Variants in PSMC1 observed in about 807,000 individuals in gnomAD.
The protein encoded by PSMC1 is proteasome 26S subunit, ATPase 1.
A neutral mutation model predicts 49.8 loss-of-function variants in PSMC1; 5 were observed. That is an observed-to-expected ratio of 0.10 (90% CI 0.05 to 0.21). PSMC1 has a LOEUF of 0.21. PSMC1 is among the 10% of genes least tolerant of loss of function. PSMC1 has a pLI of 1.00. For missense variants in PSMC1, 181 were observed against 535.7 expected (o/e 0.34, Z 6.54); for synonymous variants, 155 against 192.1 (o/e 0.81, Z 1.60).
rs1891297635 is a variant in PSMC1, at chr14:90,256,606, T to G, written c.3+6T>G. On this transcript the variant is annotated splice_donor_region_variant and intron_variant, in intron 1 of 10. Coordinates refer to ENST00000261303, the MANE Select transcript of PSMC1 (RefSeq NM_002802.3). ...CAAGTGGCCAAGGCAAGATGGTGAGTGACTAAGGGTTTCTTTCCGCTGGTC... is the reference window on the plus strand; with the variant it reads ...CAAGTGGCCAAGGCAAGATGGTGAGGGACTAAGGGTTTCTTTCCGCTGGTC... 6.3e-7 allele frequency: 1 copy of G among 1,589,466 alleles called. No homozygotes were observed. Among genetic ancestry groups the G allele is most frequent in the African/African-American group, 1.3e-5 (1 of 74,600 alleles).
rs767693111 is a variant in PSMC1, at chr14:90,269,383, T to TC, written c.882-14_882-13insC. On this transcript the variant is annotated splice_polypyrimidine_tract_variant and intron_variant, in intron 8 of 10. Transcript: ENST00000261303. ...AGTTGAGTCTTCATTCCTTCCCTTT[T>TC]TTTTTTTCCAAAGATATGACTCCAA... The TC allele has an allele frequency of 1.3e-6, 2 of 1,596,616 alleles. No individual in the cohort carries two copies. The highest frequency in any genetic ancestry group is 2.2e-5 in the East Asian group (1 of 44,682).
intron 9 of PSMC1, 53 bp from the exon 10 acceptor site, chr14:90,270,145 G>C: frequency 6.3e-7 from 1 of 1,592,378 alleles, no homozygotes; most frequent in Admixed American, 1.7e-5. Flanking sequence ...CTGAGCCATG[G>C]CCGAGCCTGG....
chr14:90,266,253 CA>C lies in PSMC1; in HGVS notation c.691+1098del, dbSNP rs1295099578. Among the ~76,000 whole-genome samples the C allele has an allele frequency of 1.3e-3, 172 of 130,832 alleles. 2 individuals are homozygous for C. The highest frequency in any genetic ancestry group is 4.0e-3 in the African/African-American group (145 of 36,270). 85.8% of individuals were successfully genotyped at this position (130,832 alleles called of 152,430 possible). On this transcript the variant is annotated intron_variant, in intron 7 of 10. Transcript: ENST00000261303. The stretch of plus-strand genomic sequence containing the variant: ...CTGGGTGACAGAGCGAGACCATCTC[CA>C]AAAAAAAAAACAAAAAAAACCCACC...
chr14:90,270,421 C>A, intron 10 of PSMC1, 69 bp downstream of exon 10: 1 of 1,510,744 alleles, frequency 6.6e-7, no homozygotes, highest in South Asian at 1.3e-5. Context: ...TCTATATGTG[C>A]TCTTGGGATG....
chr14:90,261,567 G>A (rs1891398665), intron 3 of PSMC1, among the ~76,000 whole-genome samples: 1 of 152,202 alleles, frequency 6.6e-6, no homozygotes, highest in Admixed American at 6.5e-5. Context: ...ATTTCCATCA[G>A]AGAAATGCAA....
chr14:90,265,574 G>A (rs761759740), intron 7 of PSMC1, among the ~76,000 whole-genome samples: 8 of 151,396 alleles, frequency 5.3e-5, no homozygotes, highest in Non-Finnish European at 7.4e-5. Context: ...CTGTAGTCCC[G>A]GCTACTCGGG....
intron 10 of PSMC1, chr14:90,270,875 C>G (rs1891643176): frequency 6.6e-6 from 1 of 152,260 alleles, no homozygotes; most frequent in Non-Finnish European, 1.5e-5. Flanking sequence ...CCTGCTTTTC[C>G]TGGAAAGAGC....
chr14:90,268,053 C>A, intron 7 of PSMC1, 171 bp from the exon 8 acceptor site: 1 of 521,230 alleles, frequency 1.9e-6, no homozygotes, highest in Non-Finnish European at 3.3e-6. Flanking sequence ...TCTAAATGTC[C>A]TCTTATCTAC....
At chr14:90,268,139 A>G (rs1472567298) in intron 7 of PSMC1, 85 bp from the exon 8 acceptor site, 25 of 1,179,734 alleles carry the variant, frequency 2.1e-5, no homozygotes, top group Admixed American at 2.9e-5. Context: ...TTTGGTGTCC[A>G]TTTAAGGTGG....
chr14:90,260,055 ATG>A (rs1891367413), intron 2 of PSMC1, 58 bp from the exon 3 acceptor site: 2 of 1,018,252 alleles, frequency 2.0e-6, no homozygotes, highest in Non-Finnish European at 1.4e-6. Flanking sequence ...ACAGAAATAA[ATG>A]TGTGTTTTAA....
chr14:90,266,420 A>T (rs1043159511), intron 7 of PSMC1, among the ~76,000 whole-genome samples: 1 of 152,216 alleles, frequency 6.6e-6, no homozygotes, highest in Non-Finnish European at 1.5e-5. Flanking sequence ...CCCACAATGG[A>T]GAGACGGAGA....
At chr14:90,271,830 A>G (rs1891673351) in intron 10 of PSMC1, 1 of 152,810 alleles carries the variant, frequency 6.5e-6, no homozygotes, top group South Asian at 2.0e-4. Context: ...TTAAAAATCA[A>G]ATCTTTCCCA....
At chr14:90,259,275 C>A in intron 2 of PSMC1, 62 bp downstream of exon 2, 1 of 1,496,414 alleles carries the variant, frequency 6.7e-7, no homozygotes, top group Non-Finnish European at 9.3e-7. Context: ...TGGGTCTCGG[C>A]TGAGAAGTTC....
chr14:90,262,456 T>C lies in PSMC1; in HGVS notation c.155-862T>C, dbSNP rs528417256. Among the ~76,000 whole-genome samples the C allele has an allele frequency of 2.6e-5, 4 of 151,890 alleles. No individual in the cohort carries two copies. The South Asian group carries it at 8.3e-4, about 32-fold the overall frequency. On this transcript the variant is annotated intron_variant, in intron 3 of 10. Transcript: ENST00000261303. Reference sequence around the variant, plus strand: ...TATTTAACCTTAGGGAAGAAGACAGTTTTTGAAGTAACTTGGAAAACCCAG... The same window carrying C: ...TATTTAACCTTAGGGAAGAAGACAGCTTTTGAAGTAACTTGGAAAACCCAG...
rs1159090196 is a variant in PSMC1, at chr14:90,273,767, C to T, written c.*1360C>T. On this transcript the variant is annotated 3_prime_UTR_variant, in exon 11 of 11. Coordinates refer to ENST00000261303, the MANE Select transcript of PSMC1 (RefSeq NM_002802.3). ...GTGGGCCAGCTGAGGTCAGCATTTC[C>T]TTGCTGGCTGCCAGCTGAGGCCTTT... The T allele has an allele frequency of 6.5e-6, 1 of 154,742 alleles. No individual in the cohort carries two copies. The highest frequency in any genetic ancestry group is 6.5e-5 in the Admixed American group (1 of 15,268). 9.6% of individuals were successfully genotyped at this position (154,742 alleles called of 1,614,324 possible). A position where few individuals can be genotyped will look rare whatever the true frequency, so the allele number is the denominator to read the frequency against.
Position 90,274,426 on chromosome 14 carries a change from C to T in PSMC1, c.*2019C>T, listed in dbSNP as rs1799706477. Reference sequence around the variant, plus strand: ...ACAGGACAGTGGGAGCCAGGTTTCTCTGAGGAGTTAGACACAGAAAGAAGA... The same window carrying T: ...ACAGGACAGTGGGAGCCAGGTTTCTTTGAGGAGTTAGACACAGAAAGAAGA... On this transcript the variant is annotated 3_prime_UTR_variant, in exon 11 of 11. Coordinates refer to ENST00000261303, the MANE Select transcript of PSMC1 (RefSeq NM_002802.3). The T allele has an allele frequency of 6.5e-6, 1 of 153,638 alleles. No individual in the cohort carries two copies. The highest frequency in any genetic ancestry group is 1.5e-5 in the Non-Finnish European group (1 of 68,212). 9.5% of individuals were successfully genotyped at this position (153,638 alleles called of 1,614,324 possible).
rs1490802526 is a variant in PSMC1, at chr14:90,272,189, T to C, written c.1189-84T>C. 2.0e-6 allele frequency: 3 copies of C among 1,517,378 alleles called. No individual in the cohort carries two copies. The Admixed American group carries it at 6.2e-5, about 31-fold the overall frequency. The allele number at this position is 1,517,378 out of a possible 1,614,324, so 94.0% of individuals were successfully genotyped here. ...GATTACAGGTGTGAGCCACCGCGCC[T>C]GGCCTCAGAATAGGTTTTTTGGAAT... On this transcript the variant is annotated intron_variant, in intron 10 of 10. Transcript: ENST00000261303. This position sits in a 1 kb window ranked among gnomAD's most constrained non-coding sequence, Gnocchi z 4.5.
rs1165241437 is a variant in PSMC1 at position 90,272,660 on chromosome 14, G to A, written c.*253G>A. The A allele has an allele frequency of 6.1e-6, 2 of 327,370 alleles. No homozygotes were observed. The highest frequency in any genetic ancestry group is 1.2e-5 in the Non-Finnish European group (2 of 169,450). The allele number at this position is 327,370 out of a possible 1,614,324, so 20.3% of individuals were successfully genotyped here. A position where few individuals can be genotyped will look rare whatever the true frequency, so the allele number is the denominator to read the frequency against. The stretch of plus-strand genomic sequence containing the variant: ...TCTGCAGTCTCCACACACACCTACC[G>A]CTCAACAGCAGCCTGTGGGTGGACC... On this transcript the variant is annotated 3_prime_UTR_variant, in exon 11 of 11. Transcript: ENST00000261303. This position sits in a 1 kb window ranked among gnomAD's most constrained non-coding sequence, Gnocchi z 4.5.
At chr14:90,262,118 G>T (rs1891409410) in intron 3 of PSMC1, among the ~76,000 whole-genome samples, 2 of 138,970 alleles carry the variant, frequency 1.4e-5, no homozygotes, top group South Asian at 2.4e-4. Flanking sequence ...TTGGACACAG[G>T]GTGGGGAACA....
Sources: allele counts gnomAD v4.1 joint callset (sites outside exome capture counted in the v4.1 genomes callset), GRCh38; gene constraint gnomAD v4.1.1; non-coding constraint Gnocchi (gnomAD v3.1); transcripts MANE v1.5; gene names NCBI Gene and HGNC (gene_info 2026-07-23, HGNC 2026-07-21).